Variants in SASS6 observed in about 807,000 individuals in gnomAD.
SASS6 encodes the protein SAS-6 centriolar assembly protein.
SASS6 carries 59 observed loss-of-function variants against 94.9 expected under a neutral mutation model. The ratio of observed to expected loss-of-function variants is 0.62; its 90% CI spans 0.50 to 0.77. The LOEUF (loss-of-function observed/expected upper bound fraction) is 0.77, where lower values mean the gene tolerates loss of function less well. Among genes scored for constraint, SASS6 ranks in the 30% least tolerant of loss-of-function variants. The probability of loss-of-function intolerance (pLI) is 0.00; values close to 1 mark genes in which losing one functional copy is unlikely to be tolerated. For synonymous variants in SASS6, 264 were observed against 270.0 expected (o/e 0.98, Z 0.22); for missense variants, 698 against 734.1 (o/e 0.95, Z 0.57).
At position 100,105,787 on chromosome 1, in the gene SASS6, T is replaced by C. The variant is rs751452649; in HGVS notation, c.1525A>G (p.Ile509Val). 2 of 1,612,990 alleles carry C rather than the reference T, an allele frequency of 1.2e-6. No homozygotes were observed. Among genetic ancestry groups the C allele is most frequent in the South Asian group, 2.2e-5 (2 of 90,866 alleles). The change falls in exon 13 of 17, where the codon ATT becomes GTT. Residue 509 changes from isoleucine to valine, a missense_variant. Coordinates refer to ENST00000287482, the MANE Select transcript of SASS6 (RefSeq NM_194292.3). ...CTTACCACATTCAGGTTAGGAGAAA[T>C]TCCACTTCTGATTGTGTTGCTGCTG... ...HSSSNTIRSG[I>V]SPNLNVVDGR...
intron 14 of SASS6, among the ~76,000 whole-genome samples, chr1:100,102,660 C>T (rs113964302): frequency 0.013 from 1,796 of 135,194 alleles, 44 homozygotes; most frequent in African/African-American, 0.049. Flanking sequence ...CCTGGACAAC[C>T]GAGCAAGACT....
rs755044408 is a variant in SASS6, at chr1:100,110,478, C to G, written c.675G>C (p.Gln225His). The G allele has an allele frequency of 6.3e-7, 1 of 1,582,344 alleles. No homozygotes were observed. The change falls in exon 8 of 17, where the codon CAG (glutamine) becomes CAC (histidine). Residue 225 changes from glutamine (Q) to histidine (H), a missense_variant. Gln to His is a conservative substitution (Grantham distance 24). Transcript: ENST00000287482. Reference protein sequence around the residue: ...TNEKEKALQAQVQYQQQHEQQ... With the variant: ...TNEKEKALQAHVQYQQQHEQQ... ...GTTCATGCTGCTGTTGATATTGAAC[C>G]TGTGCCTATGATACAATAAAAATAC... is the stretch of plus-strand genomic sequence containing the variant.
intron 7 of SASS6, among the ~76,000 whole-genome samples, chr1:100,115,334 C>T (rs995658780): frequency 1.3e-5 from 2 of 151,562 alleles, no homozygotes; most frequent in Non-Finnish European, 2.9e-5. Context: ...AAGTCCCTAG[C>T]CAAAAACACT....
chr1:100,126,877 C>T (rs1312013839), intron 1 of SASS6, among the ~76,000 whole-genome samples: 5 of 152,160 alleles, frequency 3.3e-5, no homozygotes, highest in Admixed American at 6.5e-5. Context: ...TTTATTCATA[C>T]AAAAACGTAT....
chr1:100,130,140 G>A (rs1218262384), intron 1 of SASS6, among the ~76,000 whole-genome samples: 4 of 152,214 alleles, frequency 2.6e-5, no homozygotes, highest in Non-Finnish European at 5.9e-5. Flanking sequence ...CTTAAACCCA[G>A]GCAATCTGGC....
intron 14 of SASS6, among the ~76,000 whole-genome samples, chr1:100,092,364 G>C (rs975927821): frequency 2.0e-5 from 3 of 152,100 alleles, no homozygotes; most frequent in African/African-American, 7.2e-5. Context: ...TTTGGGAAAG[G>C]TAAAAGAAAG....
chr1:100,089,263 A>C (rs1392806751), intron 14 of SASS6, among the ~76,000 whole-genome samples: 5 of 152,144 alleles, frequency 3.3e-5, no homozygotes, highest in African/African-American at 1.2e-4. Flanking sequence ...TCCCTGGGAA[A>C]GTATCATGTA....
At chr1:100,101,857 A>G (rs916619997) in intron 14 of SASS6, among the ~76,000 whole-genome samples, 51 of 152,358 alleles carry the variant, frequency 3.3e-4, no homozygotes, top group African/African-American at 1.2e-3. Flanking sequence ...GCTATGGCTA[A>G]AAAGAGCACA....
intron 14 of SASS6, among the ~76,000 whole-genome samples, chr1:100,092,495 AAAGAAC>A (rs1651792504): frequency 6.6e-6 from 1 of 152,206 alleles, no homozygotes. Context: ...GAATGAAGGA[AAAGAAC>A]AAGAAGAACA....
intron 7 of SASS6, among the ~76,000 whole-genome samples, chr1:100,113,167 C>T (rs1008139380): frequency 6.6e-6 from 1 of 152,148 alleles, no homozygotes; most frequent in Admixed American, 6.5e-5. Flanking sequence ...TGAAAAACTA[C>T]TTATTGAGTA....
At chr1:100,092,615 A>C (rs1651806748) in intron 14 of SASS6, among the ~76,000 whole-genome samples, 1 of 151,710 alleles carries the variant, frequency 6.6e-6, no homozygotes, top group Admixed American at 6.6e-5. Context: ...TCGCTCTGTC[A>C]CCCAGGCTAG....
chr1:100,121,346 T>C (rs768689042), intron 5 of SASS6, 32 bp downstream of exon 5: 1 of 1,345,560 alleles, frequency 7.4e-7, no homozygotes, highest in Non-Finnish European at 1.0e-6. Flanking sequence ...ATACTTATTT[T>C]GTTAAAAGAA....
rs537995287 is a variant in SASS6, at chr1:100,083,971, T to C, written c.*1357A>G. The stretch of plus-strand genomic sequence containing the variant: ...ATCACCAAGAGGCTTCTTTCCAGAA[T>C]AGCAAGTGCTTTCAAGTTACTGTAC... On this transcript the variant is annotated 3_prime_UTR_variant, in exon 17 of 17. Transcript: ENST00000287482. 2 of 152,096 alleles carry C rather than the reference T, an allele frequency of 1.3e-5. No homozygotes were observed. Among genetic ancestry groups the C allele is most frequent in the Admixed American group, 1.3e-4 (2 of 15,282 alleles). 9.4% of individuals were successfully genotyped at this position (152,096 alleles called of 1,614,324 possible).
At chr1:100,086,482 C>A (rs925213482) in intron 15 of SASS6, among the ~76,000 whole-genome samples, 1 of 150,912 alleles carries the variant, frequency 6.6e-6, no homozygotes, top group African/African-American at 2.4e-5. Context: ...ATATTTTCTG[C>A]TAGTAAAATT....
chr1:100,112,297 CA>C (rs1653403692), intron 7 of SASS6, among the ~76,000 whole-genome samples: 1 of 151,530 alleles, frequency 6.6e-6, no homozygotes, highest in African/African-American at 2.4e-5. Context: ...AATGGGAAAA[CA>C]AAAATTAATA....
chr1:100,097,474 A>T (rs1481320252), intron 14 of SASS6, among the ~76,000 whole-genome samples: 2 of 152,204 alleles, frequency 1.3e-5, no homozygotes, highest in Non-Finnish European at 2.9e-5. Flanking sequence ...AAAAGAAAAG[A>T]ACTACTGACA....
chr1:100,109,648 A>G (rs1653158574), intron 8 of SASS6, among the ~76,000 whole-genome samples: 1 of 152,042 alleles, frequency 6.6e-6, no homozygotes, highest in South Asian at 2.1e-4. Context: ...AGAACAAGGT[A>G]GTATTAAAGA....
intron 14 of SASS6, among the ~76,000 whole-genome samples, chr1:100,097,237 T>C (rs985814095): frequency 1.3e-5 from 2 of 152,192 alleles, no homozygotes; most frequent in Non-Finnish European, 2.9e-5. Context: ...TGGTGGTAAA[T>C]TGTAAAAACA....
chr1:100,105,945 GTTTA>G, intron 12 of SASS6, 42 bp from the exon 13 acceptor site: 1 of 1,338,114 alleles, frequency 7.5e-7, no homozygotes, highest in Admixed American at 2.5e-5. Flanking sequence ...AATATTGACT[GTTTA>G]TTTTTCTAAT....
Sources: allele counts gnomAD v4.1 joint callset (sites outside exome capture counted in the v4.1 genomes callset), GRCh38; gene constraint gnomAD v4.1.1; transcripts MANE v1.5; gene names NCBI Gene and HGNC (gene_info 2026-07-23, HGNC 2026-07-21).